The following PHF24 variants were observed in gnomAD, a reference collection of about 807,000 sequenced individuals.
The protein encoded by PHF24 is PHD finger protein 24.
In PHF24, 25 loss-of-function variants were observed where a neutral mutation model predicts 42.6. The ratio of observed to expected loss-of-function variants is 0.59; its 90% CI spans 0.43 to 0.82. The LOEUF is 0.82. Among genes scored for constraint, PHF24 ranks in the 40% least tolerant of loss-of-function variants. PHF24 has a pLI of 0.00. For synonymous variants in PHF24, 185 were observed against 204.8 expected (o/e 0.90, Z 0.83); for missense variants, 470 against 538.1 (o/e 0.87, Z 1.25).
chr9:34,836,545 A>C, the PHF24 span, among the ~76,000 whole-genome samples: 1 of 152,188 alleles, frequency 6.6e-6, no homozygotes, highest in African/African-American at 2.4e-5. Context: ...CTGATGATGT[A>C]CCCAACATCT....
chr9:34,833,232 G>A, the PHF24 span: 3 of 1,548,370 alleles, frequency 1.9e-6, no homozygotes, highest in East Asian at 7.3e-5. Flanking sequence ...GGGCCACAGG[G>A]TTCCTCCAGG....
At chr9:34,832,896 T>C in the PHF24 span, 1 of 1,551,708 alleles carries the variant, frequency 6.4e-7, no homozygotes, top group Non-Finnish European at 8.7e-7. Context: ...TGCAGGTCCT[T>C]CTCAGACTCT....
chr9:34,812,731 T>A, the PHF24 span, among the ~76,000 whole-genome samples: 21 of 152,344 alleles, frequency 1.4e-4, no homozygotes, highest in African/African-American at 5.0e-4. Context: ...TGATCTCAAA[T>A]AAACCCTTTG....
chr9:34,746,740 C>T, the PHF24 span, among the ~76,000 whole-genome samples: 2 of 152,164 alleles, frequency 1.3e-5, no homozygotes, highest in African/African-American at 4.8e-5. Flanking sequence ...GAGGCATGCC[C>T]TGCTCCCAGA....
At chr9:34,666,015 C>A in the PHF24 span, 1 of 338,778 alleles carries the variant, frequency 3.0e-6, no homozygotes, top group Non-Finnish European at 5.5e-6. Context: ...GCAGCCTAAA[C>A]TCCCGCCCTC....
chr9:34,782,328 C>T, the PHF24 span, among the ~76,000 whole-genome samples: 1 of 152,122 alleles, frequency 6.6e-6, no homozygotes, highest in Non-Finnish European at 1.5e-5. Context: ...AATAACCACT[C>T]GTGGTTTGTT....
chr9:34,732,397 A>G, the PHF24 span, among the ~76,000 whole-genome samples: 1 of 152,242 alleles, frequency 6.6e-6, no homozygotes. Flanking sequence ...CAATTTGTAT[A>G]TCTTCTTTTG....
the PHF24 span, among the ~76,000 whole-genome samples, chr9:34,761,657 G>T: frequency 6.6e-6 from 1 of 151,984 alleles, no homozygotes; most frequent in East Asian, 1.9e-4. Context: ...GGTAGAGAGA[G>T]AGCCCTACTC....
At chr9:34,736,597 A>G in the PHF24 span, among the ~76,000 whole-genome samples, 1 of 152,246 alleles carries the variant, frequency 6.6e-6, no homozygotes, top group Non-Finnish European at 1.5e-5. Flanking sequence ...ATAAGCCAAC[A>G]TGCCTGGCTG....
the PHF24 span, among the ~76,000 whole-genome samples, chr9:34,915,909 T>TC: frequency 4.0e-4 from 9 of 22,774 alleles, no homozygotes; most frequent in South Asian, 3.9e-3. Flanking sequence ...ATGGAAGCGG[T>TC]CCCCCCCCAC....
At chr9:34,759,555 G>A in the PHF24 span, among the ~76,000 whole-genome samples, 3 of 152,086 alleles carry the variant, frequency 2.0e-5, no homozygotes, top group African/African-American at 4.8e-5. Flanking sequence ...CCTCTTCCTC[G>A]CCAATAAGTT....
chr9:34,743,975 C>T, the PHF24 span, among the ~76,000 whole-genome samples: 1 of 152,280 alleles, frequency 6.6e-6, no homozygotes, highest in East Asian at 1.9e-4. Context: ...CACTTTATAA[C>T]AACTTACTCT....
the PHF24 span, among the ~76,000 whole-genome samples, chr9:34,759,295 T>C: frequency 6.6e-6 from 1 of 152,152 alleles, no homozygotes; most frequent in Non-Finnish European, 1.5e-5. Context: ...ATCCATAGAA[T>C]TGTTCAAACA....
At chr9:34,895,404 A>G in the PHF24 span, among the ~76,000 whole-genome samples, 3 of 152,204 alleles carry the variant, frequency 2.0e-5, no homozygotes, top group African/African-American at 7.2e-5. Context: ...GAGTTCAGCC[A>G]TCAAATGGCC....
the PHF24 span, among the ~76,000 whole-genome samples, chr9:34,688,444 A>G: frequency 6.6e-6 from 1 of 152,156 alleles, no homozygotes; most frequent in East Asian, 1.9e-4. Context: ...CAGAGCTGAG[A>G]TTCCTTTCTG....
At chr9:34,845,574 A>G in the PHF24 span, among the ~76,000 whole-genome samples, 1 of 151,996 alleles carries the variant, frequency 6.6e-6, no homozygotes, top group Admixed American at 6.6e-5. Flanking sequence ...GCTGATAACA[A>G]GTTAACTTTT....
chr9:34,832,127 A>G, the PHF24 span, among the ~76,000 whole-genome samples: 3 of 152,158 alleles, frequency 2.0e-5, no homozygotes, highest in South Asian at 2.1e-4. Flanking sequence ...GCTGAAACAT[A>G]TAGAGTGCAT....
chr9:34,763,078 C>G, the PHF24 span, among the ~76,000 whole-genome samples: 3 of 152,148 alleles, frequency 2.0e-5, no homozygotes, highest in South Asian at 6.2e-4. Flanking sequence ...GGTACCAGTA[C>G]CATGCTGTTT....
At chr9:34,973,226 T>C (rs1827069268) in intron 3 of PHF24, among the ~76,000 whole-genome samples, 1 of 152,184 alleles carries the variant, frequency 6.6e-6, no homozygotes, top group Non-Finnish European at 1.5e-5. Context: ...TCATTCATTG[T>C]ATCCATATGA....
Sources: gnomAD v4.1 joint callset for allele counts (sites outside exome capture counted in the v4.1 genomes callset) on GRCh38, gnomAD v4.1.1 for gene constraint, MANE v1.5 for transcripts, NCBI Gene and HGNC (gene_info 2026-07-23, HGNC 2026-07-21) for gene names.